Variants in NUP188 observed in about 807,000 individuals in gnomAD.
NUP188 encodes the protein nucleoporin NUP188.
Under a neutral mutation model 223.0 loss-of-function variants are expected in NUP188, and 97 were observed. The ratio of observed to expected loss-of-function variants is 0.43; its 90% confidence interval spans 0.37 to 0.51. NUP188 has a LOEUF of 0.51. Among genes scored for constraint, NUP188 ranks in the 20% least tolerant of loss-of-function variants. The probability of loss-of-function intolerance (pLI) is 0.00; values close to 1 mark genes in which losing one functional copy is unlikely to be tolerated. For synonymous variants in NUP188, 869 were observed against 828.0 expected, an observed-to-expected ratio of 1.05 and a Z score of -0.85; for missense variants, 1,947 against 2,175.6, an observed-to-expected ratio of 0.89 and a Z score of 2.09.
intron 2 of NUP188, 92 bp from the exon 3 acceptor site, chr9:128,952,681 C>T (rs1201192636): frequency 5.7e-6 from 6 of 1,056,366 alleles, no homozygotes; most frequent in African/African-American, 1.6e-5. Flanking sequence ...CAAGTTGGTG[C>T]CACTGCACTC....
intron 31 of NUP188, 141 bp from the exon 32 acceptor site, chr9:128,998,397 A>G: frequency 2.1e-6 from 2 of 973,004 alleles, no homozygotes; most frequent in East Asian, 2.4e-5. Context: ...TGCTGCTGCC[A>G]TGCCAACCCT....
chr9:128,993,079 G>A (rs1842458414), intron 25 of NUP188, 118 bp from the exon 26 acceptor site: 12 of 802,062 alleles, frequency 1.5e-5, no homozygotes, highest in Non-Finnish European at 2.4e-5. Flanking sequence ...CAGAGCTGTA[G>A]TCTGGATGCT....
intron 25 of NUP188, among the ~76,000 whole-genome samples, chr9:128,991,545 A>G (rs1485636965): frequency 6.7e-6 from 1 of 150,216 alleles, no homozygotes; most frequent in Non-Finnish European, 1.5e-5. Flanking sequence ...AAAATAAAAT[A>G]ATAAAGGTAT....
intron 25 of NUP188, among the ~76,000 whole-genome samples, chr9:128,991,885 A>T (rs1842438897): frequency 1.3e-5 from 2 of 148,338 alleles, no homozygotes; most frequent in Non-Finnish European, 3.0e-5. Flanking sequence ...TAAAAGCAGA[A>T]TTCCTGGTAC....
intron 21 of NUP188, 22 bp from the exon 22 acceptor site, chr9:128,986,787 C>CT (rs1442011074): frequency 6.2e-7 from 1 of 1,614,040 alleles, no homozygotes. Flanking sequence ...CACATCATTC[C>CT]TCTGTCTTTT....
chr9:128,992,118 C>T (rs1842444893), intron 25 of NUP188, among the ~76,000 whole-genome samples: 1 of 151,820 alleles, frequency 6.6e-6, no homozygotes, highest in Admixed American at 6.6e-5. Flanking sequence ...ACCGTGGTCT[C>T]GATTTCCTGA....
At chr9:128,983,851 C>T (rs1206316057) in intron 19 of NUP188, among the ~76,000 whole-genome samples, 3 of 151,802 alleles carry the variant, frequency 2.0e-5, no homozygotes, top group Non-Finnish European at 4.4e-5. Flanking sequence ...GATGGAGTTT[C>T]GCTCTGTTAC....
intron 27 of NUP188, 40 bp from the exon 28 acceptor site, chr9:128,994,333 G>T: frequency 1.4e-6 from 2 of 1,401,266 alleles, no homozygotes; most frequent in South Asian, 2.3e-5. Flanking sequence ...GACTGTGAGA[G>T]GGAAAAAGTT....
At chr9:129,006,175 C>T in intron 42 of NUP188, 52 bp downstream of exon 42, 3 of 1,614,110 alleles carry the variant, frequency 1.9e-6, no homozygotes, top group Non-Finnish European at 2.5e-6. Context: ...CATGGGCCCA[C>T]TGTTCTCAAG....
chr9:128,963,098 G>A lies in NUP188; in HGVS notation c.585+3964G>A, dbSNP rs574984433. Among the ~76,000 whole-genome samples, 10 of 152,216 alleles carry A rather than the reference G, an allele frequency of 6.6e-5. No homozygotes were observed. In the East Asian group the frequency reaches 1.7e-3, roughly 26 times the overall value. On this transcript the variant is annotated intron_variant, in intron 8 of 43. Coordinates refer to ENST00000372577, the MANE Select transcript of NUP188 (RefSeq NM_015354.3). ...ATGGTTGAGTAGTAAACATTCCATTGTGTGGATATACCATATTTTGTTTAT... is the reference window on the plus strand; with the variant it reads ...ATGGTTGAGTAGTAAACATTCCATTATGTGGATATACCATATTTTGTTTAT...
At chr9:128,955,873 T>A (rs1275862360) in intron 3 of NUP188, among the ~76,000 whole-genome samples, 6 of 152,042 alleles carry the variant, frequency 3.9e-5, no homozygotes, top group Admixed American at 3.9e-4. Flanking sequence ...CTAGGCCTTC[T>A]CGGTGGACAG....
chr9:128,989,469 G>A (rs1842383939), intron 24 of NUP188, among the ~76,000 whole-genome samples: 1 of 152,160 alleles, frequency 6.6e-6, no homozygotes, highest in Non-Finnish European at 1.5e-5. Flanking sequence ...GGGAGGCCGA[G>A]GTGGGCGGAT....
At chr9:128,970,361 G>C (rs144062238) in intron 10 of NUP188, among the ~76,000 whole-genome samples, 27 of 152,272 alleles carry the variant, frequency 1.8e-4, no homozygotes, top group Middle Eastern at 6.8e-3. Context: ...GGCCCAAGGA[G>C]AAAACCCTGG....
Position 128,961,590 on chromosome 9 carries a change from C to CTATCTATCTAGATAGATAGATAGA in NUP188, c.585+2458_585+2459insTCTATCTAGATAGATAGATAGATA. On this transcript the variant is annotated intron_variant, in intron 8 of 43. Coordinates refer to ENST00000372577, the MANE Select transcript of NUP188 (RefSeq NM_015354.3). ...TCTATATCTATATCTATCTATCTAT[C>CTATCTATCTAGATAGATAGATAGA]TAGATAGATAGATAGATAGATAGAT... Among the ~76,000 whole-genome samples the CTATCTATCTAGATAGATAGATAGA allele has an allele frequency of 1.4e-5, 2 of 138,144 alleles. 1 individual carries two copies. The highest frequency in any genetic ancestry group is 5.9e-5 in the African/African-American group (2 of 33,822). The allele number at this position is 138,144 out of a possible 152,430, so 90.6% of individuals were successfully genotyped here. A position where few individuals can be genotyped will look rare whatever the true frequency, so the allele number is the denominator to read the frequency against.
intron 27 of NUP188, 76 bp from the exon 28 acceptor site, chr9:128,994,297 A>G (rs908591435): frequency 1.0e-6 from 1 of 978,330 alleles, no homozygotes; most frequent in Admixed American, 1.7e-5. Flanking sequence ...AGTGACCACC[A>G]AAGGGAGCTT....
chr9:128,957,937 G>A (rs1470157105), intron 5 of NUP188, 73 bp from the exon 6 acceptor site: 1 of 1,051,014 alleles, frequency 9.5e-7, no homozygotes, highest in Non-Finnish European at 1.4e-6. Flanking sequence ...ATGAAGTGAA[G>A]GTATCTATCT....
chr9:128,971,038 T>C (rs1300338715), intron 11 of NUP188, 80 bp downstream of exon 11: 7 of 1,084,974 alleles, frequency 6.5e-6, no homozygotes, highest in Non-Finnish European at 7.1e-6. Flanking sequence ...ATAATGGTGG[T>C]GTGGATAATG....
intron 24 of NUP188, 21 bp from the exon 25 acceptor site, chr9:128,990,099 C>T (rs1554830067): frequency 1.9e-6 from 3 of 1,562,540 alleles, no homozygotes; most frequent in Non-Finnish European, 2.6e-6. Context: ...GATATCTAAA[C>T]TGTTTCCTGT....
At chr9:128,968,174 G>T (rs1006742377) in intron 8 of NUP188, among the ~76,000 whole-genome samples, 1 of 152,124 alleles carries the variant, frequency 6.6e-6, no homozygotes, top group Non-Finnish European at 1.5e-5. Context: ...GCTCAGGTGA[G>T]AGGGCAGCTG....
Sources: allele counts gnomAD v4.1 joint callset (sites outside exome capture counted in the v4.1 genomes callset), GRCh38; gene constraint gnomAD v4.1.1; transcripts MANE v1.5; gene names NCBI Gene and HGNC (gene_info 2026-07-23, HGNC 2026-07-21).